Variants in UNC79 observed in about 807,000 individuals in gnomAD.
UNC79 encodes protein unc-79 homolog.
A neutral mutation model predicts 283.1 loss-of-function variants in UNC79; 37 were observed. That is an observed-to-expected ratio of 0.13 (90% confidence interval 0.10 to 0.17). UNC79 has a LOEUF of 0.17. UNC79 is among the 10% of genes least tolerant of loss of function. UNC79 has a pLI of 1.00. For missense variants in UNC79, 2,272 were observed against 3,211.1 expected (o/e 0.71, Z 7.07); for synonymous variants, 1,107 against 1,200.2 (o/e 0.92, Z 1.61).
chr14:93,618,083 A>G, intron 28 of UNC79, 109 bp from the exon 30 acceptor site: 1 of 1,169,286 alleles, frequency 8.6e-7, no homozygotes, highest in Non-Finnish European at 1.2e-6. Flanking sequence ...TCTCTCATAT[A>G]TATATTTATC....
Position 93,438,991 on chromosome 14 carries a change from T to C in UNC79, c.22+7940T>C, listed in dbSNP as rs2056196620. On this transcript the variant is annotated intron_variant, in intron 1 of 48. Coordinates refer to ENST00000555664, the Ensembl canonical transcript of UNC79. ...ATTTTTTGCCATCATAATTGAGATG[T>C]ATCATTTCTTCTATTTTAAAATTTT... Among the ~76,000 whole-genome samples, 5 of 152,088 alleles carry C rather than the reference T, an allele frequency of 3.3e-5. 1 individual carries two copies. The highest frequency in any genetic ancestry group is 3.3e-4 in the Admixed American group (5 of 15,266).
intron 1 of UNC79, among the ~76,000 whole-genome samples, chr14:93,417,588 G>T (rs1457625650): frequency 6.6e-6 from 1 of 152,210 alleles, no homozygotes; most frequent in Non-Finnish European, 1.5e-5. Context: ...GATTGGGGAA[G>T]TTCTCCTGGA....
chr14:93,393,137 T>C (rs535324981), intron 1 of UNC79, among the ~76,000 whole-genome samples: 45 of 152,294 alleles, frequency 3.0e-4, no homozygotes, highest in African/African-American at 9.1e-4. Context: ...ATGAATAATT[T>C]ATCCTTTTAG....
intron 4 of UNC79, among the ~76,000 whole-genome samples, chr14:93,481,053 G>A (rs185541089): frequency 5.3e-5 from 8 of 152,188 alleles, no homozygotes; most frequent in East Asian, 1.9e-4. Flanking sequence ...AGAGTAAGAG[G>A]CCAGCATGTA....
rs2060809338 is a variant in UNC79, at chr14:93,531,248, T to G, written c.1094-1302T>G. ...TATCAAACTGTCAAGTAACCATTAA[T>G]TATACAAAACCAGTTTTTAAACATG... On this transcript the variant is annotated intron_variant, in intron 10 of 48. Coordinates refer to ENST00000555664, the Ensembl canonical transcript of UNC79. This position sits in a 1 kb window ranked among gnomAD's most constrained non-coding sequence, Gnocchi z 4.2. Among the ~76,000 whole-genome samples, 1 of 152,238 alleles carries G rather than the reference T, an allele frequency of 6.6e-6. No individual in the cohort carries two copies. Among genetic ancestry groups the G allele is most frequent in the African/African-American group, 2.4e-5 (1 of 41,458 alleles).
chr14:93,466,517 T>G (rs572256049), intron 1 of UNC79, among the ~76,000 whole-genome samples: 4 of 152,364 alleles, frequency 2.6e-5, no homozygotes, highest in African/African-American at 7.2e-5. Context: ...GAAGTGGTTA[T>G]GGGAAGAGGT....
In UNC79 at chr14:93,381,303, G is replaced by A. The variant is rs565077940; in HGVS notation, c.-351+47780G>A. ...ATGGGATTATCTGATGACGGATGTT[G>A]GGGTTGTGACTCCCCCCAGAAGGAG... On this transcript the variant is annotated intron_variant, in intron 1 of 49. Coordinates refer to the UNC79 transcript ENST00000256339. 7.5e-4 allele frequency among the ~76,000 whole-genome samples: 114 copies of A among 152,316 alleles called. 2 individuals carry two copies. Among genetic ancestry groups the A allele is most frequent in the African/African-American group, 2.6e-3 (109 of 41,578 alleles).
chr14:93,661,201 T>C (rs2071569958), intron 39 of UNC79, among the ~76,000 whole-genome samples: 1 of 152,224 alleles, frequency 6.6e-6, no homozygotes, highest in South Asian at 2.1e-4. Flanking sequence ...TTGTTATTTA[T>C]AGTAAAATGT....
intron 47 of UNC79, among the ~76,000 whole-genome samples, chr14:93,703,657 T>G (rs2075686682): frequency 6.6e-6 from 1 of 152,190 alleles, no homozygotes; most frequent in Non-Finnish European, 1.5e-5. Context: ...GGGGCACAAT[T>G]CAATGCATGA....
chr14:93,674,587 A>C lies in UNC79; in HGVS notation c.6741+1132A>C, dbSNP rs192748966. 3.3e-5 allele frequency among the ~76,000 whole-genome samples: 5 copies of C among 152,294 alleles called. No individual in the cohort carries two copies. The East Asian group carries it at 7.7e-4, about 24-fold the overall frequency. Reference sequence around the variant, plus strand: ...ACAGCTGTGTCAGCACTCGCTGATGAGCATTAAGACCAGTCCCAGAGTCTG... The same window carrying C: ...ACAGCTGTGTCAGCACTCGCTGATGCGCATTAAGACCAGTCCCAGAGTCTG... On this transcript the variant is annotated intron_variant, in intron 41 of 48. Coordinates refer to ENST00000555664, the Ensembl canonical transcript of UNC79.
chr14:93,607,398 G>C (rs998138062), intron 26 of UNC79, among the ~76,000 whole-genome samples: 1 of 152,172 alleles, frequency 6.6e-6, no homozygotes, highest in Non-Finnish European at 1.5e-5. Context: ...GGGATTAAGT[G>C]ATTCTGCTTT....
chr14:93,558,078 G>A (rs531013468), intron 14 of UNC79, among the ~76,000 whole-genome samples: 27 of 152,288 alleles, frequency 1.8e-4, no homozygotes, highest in Admixed American at 1.4e-3. Flanking sequence ...GACCCATAGC[G>A]AAGTTTGTAG....
chr14:93,542,733 G>C, intron 14 of UNC79, 37 bp downstream of exon 14: 1 of 1,607,876 alleles, frequency 6.2e-7, no homozygotes, highest in Non-Finnish European at 8.5e-7. Flanking sequence ...TTGTTAGAGA[G>C]GAGGACTTGG....
intron 8 of UNC79, among the ~76,000 whole-genome samples, chr14:93,526,137 A>G (rs2060535553): frequency 6.6e-6 from 1 of 152,162 alleles, no homozygotes; most frequent in Admixed American, 6.5e-5. Context: ...TTACTTTCTG[A>G]ACTCCAGTTT....
intron 38 of UNC79, 131 bp downstream of exon 41, chr14:93,655,538 G>A: frequency 9.3e-7 from 1 of 1,080,470 alleles, no homozygotes; most frequent in Non-Finnish European, 1.3e-6. Context: ...CAGCCATGGA[G>A]TGAGGATGCT....
In UNC79 at chr14:93,657,681, C is replaced by T. The variant is rs554704187; in HGVS notation, c.6457-1512C>T. ...ATGGCAAATTTAAATGCCTGTGTGCCGATGTGACTGTCAGAAGATTTAACT... is the reference window on the plus strand; with the variant it reads ...ATGGCAAATTTAAATGCCTGTGTGCTGATGTGACTGTCAGAAGATTTAACT... On this transcript the variant is annotated intron_variant, in intron 38 of 48. Transcript: ENST00000555664. Among the ~76,000 whole-genome samples the T allele has an allele frequency of 2.8e-4, 42 of 152,224 alleles. No homozygotes were observed. In the South Asian group the frequency reaches 4.6e-3, roughly 17 times the overall value.
At position 93,698,482 on chromosome 14, in the gene UNC79, T is replaced by G. The variant is rs1216484672; in HGVS notation, c.7548+4070T>G. 5.3e-3 allele frequency among the ~76,000 whole-genome samples: 511 copies of G among 96,552 alleles called. 6 individuals are homozygous for G. Among genetic ancestry groups the G allele is most frequent in the African/African-American group, 0.028 (489 of 17,736 alleles). The allele number at this position is 96,552 out of a possible 152,430, so 63.3% of individuals were successfully genotyped here. On this transcript the variant is annotated intron_variant, in intron 47 of 48. Coordinates refer to ENST00000555664, the Ensembl canonical transcript of UNC79. ...TATTTTTAGTTTAGTTTAGGTTTTT[T>G]TTTTTTTTTTTTTTTTTTTTTGAGA...
rs199720203 is a variant in UNC79, at chr14:93,621,954, G to A, written c.4721G>A (p.Arg1574Gln). 20 of 1,613,956 alleles carry A rather than the reference G, an allele frequency of 1.2e-5. No homozygotes were observed. The East Asian group carries it at 2.2e-4, about 18-fold the overall frequency. ...GCTATGGAAGGGTTTCCAGATGCTC[G>A]AAGGCCTGTCATACCAGAGGTTAGG... The change falls in exon 30 of 49, where the codon CGA becomes CAA. Residue 1574 changes from arginine (R) to glutamine (Q), a missense_variant. Transcript: ENST00000555664. The surrounding 1 kb of genome is among the most constrained non-coding windows in gnomAD (Gnocchi z 4.8).
At chr14:93,405,215 G>A (rs1407085308) in intron 1 of UNC79, among the ~76,000 whole-genome samples, 3 of 151,286 alleles carry the variant, frequency 2.0e-5, no homozygotes, top group Admixed American at 1.3e-4. Flanking sequence ...CCTGGGAGGC[G>A]GAGTTTGCAG....
Sources: allele counts gnomAD v4.1 joint callset (sites outside exome capture counted in the v4.1 genomes callset), GRCh38; gene constraint gnomAD v4.1.1; non-coding constraint Gnocchi (gnomAD v3.1); transcripts MANE v1.5; gene names NCBI Gene and HGNC (gene_info 2026-07-23, HGNC 2026-07-21).